HLA-E: variants seen among roughly 807,000 people sequenced by gnomAD.
HLA-E encodes the protein major histocompatibility complex, class I, E.
HLA-E carries 25 observed loss-of-function variants against 43.4 expected under a neutral mutation model. That is an observed-to-expected ratio of 0.58 (90% CI 0.42 to 0.80). The LOEUF is 0.80. Among genes scored for constraint, HLA-E ranks in the 30% least tolerant of loss-of-function variants. HLA-E has a pLI of 0.00. For missense variants in HLA-E, 343 were observed against 470.0 expected, an observed-to-expected ratio of 0.73 and a Z score of 2.50; for synonymous variants, 161 against 197.6, an observed-to-expected ratio of 0.81 and a Z score of 1.55.
At position 30,491,456 on chromosome 6, in the gene HLA-E, G is replaced by A. The variant is rs796228537; in HGVS notation, c.886+44G>A. The A allele has an allele frequency of 3.7e-6, 6 of 1,611,194 alleles. No homozygotes were observed. Among genetic ancestry groups the A allele is most frequent in the Non-Finnish European group, 5.1e-6 (6 of 1,178,146 alleles). On this transcript the variant is annotated intron_variant, in intron 4 of 7. Coordinates refer to ENST00000376630, the MANE Select transcript of HLA-E (RefSeq NM_005516.6). This position sits in a 1 kb window ranked among gnomAD's most constrained non-coding sequence, Gnocchi z 5.4. ...GGTCATGTCTCTTCTCAGGGAAAGCGGGAGCCCTTCTGGAGCCCTTCCGCA... is the reference window on the plus strand; with the variant it reads ...GGTCATGTCTCTTCTCAGGGAAAGCAGGAGCCCTTCTGGAGCCCTTCCGCA...
chr6:30,490,107 G>C lies in HLA-E; in HGVS notation c.334+112G>C, dbSNP rs1796437581. ...GATTCACCCCAAGGCTGCGGAACCCGCCCAGACCCTAGACCGGGGAGAGTC... is the reference window on the plus strand; with the variant it reads ...GATTCACCCCAAGGCTGCGGAACCCCCCCAGACCCTAGACCGGGGAGAGTC... On this transcript the variant is annotated intron_variant, in intron 2 of 7. Transcript: ENST00000376630. This position sits in a 1 kb window ranked among gnomAD's most constrained non-coding sequence, Gnocchi z 6.6. The C allele has an allele frequency of 1.3e-6, 2 of 1,502,752 alleles. No individual in the cohort carries two copies. The highest frequency in any genetic ancestry group is 1.4e-5 in the African/African-American group (1 of 72,316). 93.1% of individuals were successfully genotyped at this position (1,502,752 alleles called of 1,614,324 possible).
In HLA-E at chr6:30,492,813, G is replaced by T; in HGVS notation, c.*67G>T. The T allele has an allele frequency of 1.5e-6, 1 of 664,308 alleles. No individual in the cohort carries two copies. The highest frequency in any genetic ancestry group is 2.7e-6 in the Non-Finnish European group (1 of 369,012). The allele number at this position is 664,308 out of a possible 1,614,324, so 41.2% of individuals were successfully genotyped here. On this transcript the variant is annotated 3_prime_UTR_variant, in exon 8 of 8. Coordinates refer to ENST00000376630, the MANE Select transcript of HLA-E (RefSeq NM_005516.6). The surrounding 1 kb of genome is among the most constrained non-coding windows in gnomAD (Gnocchi z 4.5). ...TGCCTTGTGTGCGACTGAGATGCAG[G>T]ATTTCCTCACGCCTCCCCTATGTGT...
In HLA-E at chr6:30,489,710, C is replaced by T. The variant is rs1796400336; in HGVS notation, c.65-16C>T. ...GGAGGAGGGTCGGGCCGATCTCAGC[C>T]CCTCCTCGCCCCCAGGCTCCCACTC... On this transcript the variant is annotated splice_polypyrimidine_tract_variant and intron_variant, in intron 1 of 7. Transcript: ENST00000376630. This position sits in a 1 kb window ranked among gnomAD's most constrained non-coding sequence, Gnocchi z 5.6. 6.2e-7 allele frequency: 1 copy of T among 1,612,162 alleles called. No homozygotes were observed. Among genetic ancestry groups the T allele is most frequent in the Non-Finnish European group, 8.5e-7 (1 of 1,179,758 alleles).
In HLA-E at chr6:30,492,691, G is replaced by A; in HGVS notation, c.*3-58G>A. ...TTTTGAGTGTGTGGTGGGCTGTTCA[G>A]AGTGTCATCACTTACCGTGACTGAC... On this transcript the variant is annotated intron_variant, in intron 7 of 7. Coordinates refer to ENST00000376630, the MANE Select transcript of HLA-E (RefSeq NM_005516.6). This position sits in a 1 kb window ranked among gnomAD's most constrained non-coding sequence, Gnocchi z 4.5. 1 of 1,096,666 alleles carries A rather than the reference G, an allele frequency of 9.1e-7. No homozygotes were observed. The highest frequency in any genetic ancestry group is 1.4e-6 in the Non-Finnish European group (1 of 732,894). The allele number at this position is 1,096,666 out of a possible 1,614,324, so 67.9% of individuals were successfully genotyped here.
In HLA-E at chr6:30,490,494, A is replaced by G. The variant is rs766276701; in HGVS notation, c.589A>G (p.Lys197Glu). 56 of 1,612,704 alleles carry G rather than the reference A, an allele frequency of 3.5e-5. No homozygotes were observed. The highest frequency in any genetic ancestry group is 4.5e-5 in the Non-Finnish European group (53 of 1,179,936). ...GCTCCACAAATACCTGGAGAAGGGG[A>G]AGGAGACGCTGCTTCACCTGGGTAA... is the stretch of plus-strand genomic sequence containing the variant. Reference protein sequence around the residue: ...EWLHKYLEKGKETLLHLEPPK... With the variant: ...EWLHKYLEKGEETLLHLEPPK... Residue 197 changes from lysine (K) to glutamate (E), a missense_variant, in exon 3 of 8, where the codon AAG becomes GAG. Physicochemically the swap from Lys to Glu is moderately conservative, Grantham distance 56. Around this residue, in one of 3 missense-constraint regions of HLA-E, gnomAD observed 190 missense variants for 283.6 expected, o/e 0.67. Transcript: ENST00000376630. The surrounding 1 kb of genome is among the most constrained non-coding windows in gnomAD (Gnocchi z 6.6).
chr6:30,491,078 C>T lies in HLA-E; in HGVS notation c.611-59C>T. ...CCTTCTCAGGATGGTCACATGGGTG[C>T]TGCTGGAGTGTCCCATGAGAGATAC... On this transcript the variant is annotated intron_variant, in intron 3 of 7. Transcript: ENST00000376630. This position sits in a 1 kb window ranked among gnomAD's most constrained non-coding sequence, Gnocchi z 5.4. The T allele has an allele frequency of 6.3e-7, 1 of 1,588,848 alleles. No individual in the cohort carries two copies. The highest frequency in any genetic ancestry group is 8.6e-7 in the Non-Finnish European group (1 of 1,163,616).
Position 30,491,418 on chromosome 6 carries a change from G to C in HLA-E, c.886+6G>C. ...GCCCGTCACCCTGAGATGGAGTAAG[G>C]AGGGGGATGGGAGGTCATGTCTCTT... On this transcript the variant is annotated splice_donor_region_variant and intron_variant, in intron 4 of 7. Coordinates refer to ENST00000376630, the MANE Select transcript of HLA-E (RefSeq NM_005516.6). The surrounding 1 kb of genome is among the most constrained non-coding windows in gnomAD (Gnocchi z 5.4). The C allele has an allele frequency of 1.2e-6, 2 of 1,614,092 alleles. No individual in the cohort carries two copies. The highest frequency in any genetic ancestry group is 1.7e-6 in the Non-Finnish European group (2 of 1,179,960).
chr6:30,491,594 T>C lies in HLA-E; in HGVS notation c.944T>C (p.Leu315Pro). The change falls in exon 5 of 8, where the codon CTT becomes CCT. Residue 315 changes from leucine (L) to proline (P), a missense_variant. By Grantham distance (98) the Leu-to-Pro change is moderately conservative. Transcript: ENST00000376630. This position sits in a 1 kb window ranked among gnomAD's most constrained non-coding sequence, Gnocchi z 5.4. ...IVGIIAGLVLLGSVVSGAVVA... is the reference protein window; with the variant it reads ...IVGIIAGLVLPGSVVSGAVVA... ...GGCATCATTGCTGGCCTGGTTCTCC[T>C]TGGATCTGTGGTCTCTGGAGCTGTG... The C allele has an allele frequency of 1.2e-6, 2 of 1,613,572 alleles. No homozygotes were observed. Among genetic ancestry groups the C allele is most frequent in the Non-Finnish European group, 1.7e-6 (2 of 1,179,998 alleles).
At position 30,489,803 on chromosome 6, in the gene HLA-E, T is replaced by C; in HGVS notation, c.142T>C (p.Tyr48His). 6.2e-7 allele frequency: 1 copy of C among 1,612,950 alleles called. No homozygotes were observed. Among genetic ancestry groups the C allele is most frequent in the Non-Finnish European group, 8.5e-7 (1 of 1,179,978 alleles). Reference sequence around the variant, plus strand: ...GGAGCCCCGCTTCATCTCTGTGGGCTACGTGGACGACACCCAGTTCGTGCG... The same window carrying C: ...GGAGCCCCGCTTCATCTCTGTGGGCCACGTGGACGACACCCAGTTCGTGCG... The part of the protein sequence containing the change: ...RGEPRFISVG[Y>H]VDDTQFVRFD... Residue 48 changes from tyrosine to histidine, a missense_variant, in exon 2 of 8, where the codon TAC becomes CAC. Transcript: ENST00000376630. The surrounding 1 kb of genome is among the most constrained non-coding windows in gnomAD (Gnocchi z 5.6).
chr6:30,491,418 G>A lies in HLA-E; in HGVS notation c.886+6G>A. 3 of 1,614,092 alleles carry A rather than the reference G, an allele frequency of 1.9e-6. No individual in the cohort carries two copies. The highest frequency in any genetic ancestry group is 2.5e-6 in the Non-Finnish European group (3 of 1,179,960). ...GCCCGTCACCCTGAGATGGAGTAAG[G>A]AGGGGGATGGGAGGTCATGTCTCTT... is the stretch of plus-strand genomic sequence containing the variant. On this transcript the variant is annotated splice_donor_region_variant and intron_variant, in intron 4 of 7. Coordinates refer to ENST00000376630, the MANE Select transcript of HLA-E (RefSeq NM_005516.6). This position sits in a 1 kb window ranked among gnomAD's most constrained non-coding sequence, Gnocchi z 5.4.
chr6:30,489,658 G>T lies in HLA-E; in HGVS notation c.64+63G>T. 3 of 1,607,724 alleles carry T rather than the reference G, an allele frequency of 1.9e-6. No homozygotes were observed. Among genetic ancestry groups the T allele is most frequent in the Non-Finnish European group, 2.5e-6 (3 of 1,176,788 alleles). On this transcript the variant is annotated intron_variant, in intron 1 of 7. Transcript: ENST00000376630. The surrounding 1 kb of genome is among the most constrained non-coding windows in gnomAD (Gnocchi z 5.6). ...GAGTAGAGAGGGGCCGGCCCGGCGG[G>T]GGCGAAGGACTCGGGGAGCCGCGCC...
At position 30,491,690 on chromosome 6, in the gene HLA-E, G is replaced by A; in HGVS notation, c.1003+37G>A. The A allele has an allele frequency of 1.3e-6, 2 of 1,522,800 alleles. No homozygotes were observed. Among genetic ancestry groups the A allele is most frequent in the Non-Finnish European group, 1.8e-6 (2 of 1,105,816 alleles). The allele number at this position is 1,522,800 out of a possible 1,614,324, so 94.3% of individuals were successfully genotyped here. ...AGAAGGGTGGGGTCTGAGTTTTCTT[G>A]TCCCACTGGGTGTTTCAAGCCCTAG... On this transcript the variant is annotated intron_variant, in intron 5 of 7. Coordinates refer to ENST00000376630, the MANE Select transcript of HLA-E (RefSeq NM_005516.6). This position sits in a 1 kb window ranked among gnomAD's most constrained non-coding sequence, Gnocchi z 5.4.
At position 30,489,777 on chromosome 6, in the gene HLA-E, G is replaced by A. The variant is rs1796406438; in HGVS notation, c.116G>A (p.Gly39Glu). The A allele has an allele frequency of 1.2e-6, 2 of 1,612,920 alleles. No individual in the cohort carries two copies. The highest frequency in any genetic ancestry group is 4.5e-5 in the East Asian group (2 of 44,872). ...FHTSVSRPGRGEPRFISVGYV... is the reference protein window; with the variant it reads ...FHTSVSRPGREEPRFISVGYV... ...ACTTCCGTGTCCCGGCCCGGCCGCG[G>A]GGAGCCCCGCTTCATCTCTGTGGGC... The change falls in exon 2 of 8, where the codon GGG becomes GAG. Residue 39 changes from glycine (G) to glutamate (E), a missense_variant. Physicochemically the swap from Gly to Glu is moderately conservative, Grantham distance 98. Around this residue, in one of 3 missense-constraint regions of HLA-E, gnomAD observed 94 missense variants for 144.4 expected, o/e 0.65. Coordinates refer to ENST00000376630, the MANE Select transcript of HLA-E (RefSeq NM_005516.6). The surrounding 1 kb of genome is among the most constrained non-coding windows in gnomAD (Gnocchi z 5.6).
rs1413328226 is a variant in HLA-E, at chr6:30,493,541, A to G, written c.*795A>G. 1.3e-5 allele frequency: 2 copies of G among 152,100 alleles called. No individual in the cohort carries two copies. Among genetic ancestry groups the G allele is most frequent in the African/African-American group, 4.8e-5 (2 of 41,404 alleles). The allele number at this position is 152,100 out of a possible 1,614,324, so 9.4% of individuals were successfully genotyped here. A position where few individuals can be genotyped will look rare whatever the true frequency, so the allele number is the denominator to read the frequency against. ...CTGTGGTTTGAATGTTCCCTCCAACACTCATGTTGAGACTTAATCCCTAAT... is the reference window on the plus strand; with the variant it reads ...CTGTGGTTTGAATGTTCCCTCCAACGCTCATGTTGAGACTTAATCCCTAAT... On this transcript the variant is annotated 3_prime_UTR_variant, in exon 8 of 8. Coordinates refer to ENST00000376630, the MANE Select transcript of HLA-E (RefSeq NM_005516.6). The surrounding 1 kb of genome is among the most constrained non-coding windows in gnomAD (Gnocchi z 5.5).
In HLA-E at chr6:30,490,498, A is replaced by C; in HGVS notation, c.593A>C (p.Glu198Ala). 1.9e-6 allele frequency: 3 copies of C among 1,612,818 alleles called. No individual in the cohort carries two copies. Among genetic ancestry groups the C allele is most frequent in the Non-Finnish European group, 2.5e-6 (3 of 1,179,940 alleles). ...CACAAATACCTGGAGAAGGGGAAGG[A>C]GACGCTGCTTCACCTGGGTAAGAGG... ...WLHKYLEKGK[E>A]TLLHLEPPKT... The change falls in exon 3 of 8, where the codon GAG becomes GCG. Residue 198 changes from glutamate (E) to alanine (A), a missense_variant. By Grantham distance (107) the Glu-to-Ala change is moderately radical (BLOSUM62 -1). Transcript: ENST00000376630. The surrounding 1 kb of genome is among the most constrained non-coding windows in gnomAD (Gnocchi z 6.6).
At position 30,492,625 on chromosome 6, in the gene HLA-E, A is replaced by C. The variant is rs1796629504; in HGVS notation, c.*2+42A>C. 2.5e-6 allele frequency: 4 copies of C among 1,594,692 alleles called. No homozygotes were observed. The highest frequency in any genetic ancestry group is 3.4e-6 in the Non-Finnish European group (4 of 1,164,368). ...CTGAAGTGGGTGGAGGGTGGGGCAGAGGGGACAGGACTGGGTTGTGGGGAT... is the reference window on the plus strand; with the variant it reads ...CTGAAGTGGGTGGAGGGTGGGGCAGCGGGGACAGGACTGGGTTGTGGGGAT... On this transcript the variant is annotated intron_variant, in intron 7 of 7. Transcript: ENST00000376630. This position sits in a 1 kb window ranked among gnomAD's most constrained non-coding sequence, Gnocchi z 4.5.
chr6:30,489,761 T>G lies in HLA-E; in HGVS notation c.100T>G (p.Ser34Ala). Reference sequence around the variant, plus strand: ...CTTGAAGTATTTCCACACTTCCGTGTCCCGGCCCGGCCGCGGGGAGCCCCG... The same window carrying G: ...CTTGAAGTATTTCCACACTTCCGTGGCCCGGCCCGGCCGCGGGGAGCCCCG... Reference protein sequence around the residue: ...HSLKYFHTSVSRPGRGEPRFI... With the variant: ...HSLKYFHTSVARPGRGEPRFI... The change falls in exon 2 of 8, where the codon TCC (serine) becomes GCC (alanine). Residue 34 changes from serine (S) to alanine (A), a missense_variant. By Grantham distance (99) the Ser-to-Ala change is moderately conservative. This residue lies in a region of HLA-E where 94 missense variants were observed against 144.4 expected (regional missense o/e 0.65). Transcript: ENST00000376630. This position sits in a 1 kb window ranked among gnomAD's most constrained non-coding sequence, Gnocchi z 5.6. 3 of 1,612,586 alleles carry G rather than the reference T, an allele frequency of 1.9e-6. No homozygotes were observed. The highest frequency in any genetic ancestry group is 2.5e-6 in the Non-Finnish European group (3 of 1,179,888).
rs1796446045 is a variant in HLA-E at position 30,490,203 on chromosome 6, G to A, written c.335-37G>A. On this transcript the variant is annotated intron_variant, in intron 2 of 7. Coordinates refer to ENST00000376630, the MANE Select transcript of HLA-E (RefSeq NM_005516.6). The surrounding 1 kb of genome is among the most constrained non-coding windows in gnomAD (Gnocchi z 6.6). ...CACAGGGTGGTGGCGACGGGGGCGG[G>A]GCTTGGTGGGCGGGACTGACTAAGG... 2.5e-6 allele frequency: 4 copies of A among 1,599,960 alleles called. No homozygotes were observed. The highest frequency in any genetic ancestry group is 3.4e-6 in the Non-Finnish European group (4 of 1,172,714).
In HLA-E at chr6:30,492,593, TG is replaced by T; in HGVS notation, c.*2+15del. 6.2e-7 allele frequency: 1 copy of T among 1,613,610 alleles called. No individual in the cohort carries two copies. Among genetic ancestry groups the T allele is most frequent in the South Asian group, 1.1e-5 (1 of 91,070 alleles). ...CTCACAGCTTGTAAAGGTGAGATTC[TG>T]GGGGTCTGAAGTGGGTGGAGGGTGG... On this transcript the variant is annotated intron_variant, in intron 7 of 7. Transcript: ENST00000376630. This position sits in a 1 kb window ranked among gnomAD's most constrained non-coding sequence, Gnocchi z 4.5.
Sources: allele counts gnomAD v4.1 joint callset, GRCh38; gene constraint gnomAD v4.1.1; regional missense constraint gnomAD v4.1.1; non-coding constraint Gnocchi (gnomAD v3.1); transcripts MANE v1.5; gene names NCBI Gene and HGNC (gene_info 2026-07-23, HGNC 2026-07-21).